RIF1: variants seen among roughly 807,000 people sequenced by gnomAD.
RIF1 encodes replication timing regulatory factor 1.
Under a neutral mutation model 247.1 loss-of-function variants are expected in RIF1, and 45 were observed. That is an observed-to-expected ratio of 0.18 (90% CI 0.14 to 0.23). RIF1 has a LOEUF of 0.23. RIF1 is among the 10% of genes least tolerant of loss of function. The pLI, the probability that RIF1 is intolerant of heterozygous loss-of-function variation, is 1.00. For missense variants in RIF1, 2,967 were observed against 2,862.5 expected (o/e 1.04, Z -0.83); for synonymous variants, 1,087 against 978.8 (o/e 1.11, Z -2.06).
chr2:151,530,667 A>G, the RIF1 span: 16 of 216,082 alleles, frequency 7.4e-5, no homozygotes, highest in South Asian at 2.7e-3. Context: ...GCATGTGGAG[A>G]GGCCACATGA....
intron 10 of RIF1, chr2:151,496,867 A>AAT: frequency 7.1e-7 from 1 of 1,414,596 alleles, no homozygotes; most frequent in Non-Finnish European, 9.7e-7. Flanking sequence ...AAATAGGATT[A>AAT]ATATGTATTA....
At chr2:151,520,440 TTAGG>T in the RIF1 span, among the ~76,000 whole-genome samples, 868 of 152,082 alleles carry the variant, frequency 5.7e-3, 5 homozygotes, top group Admixed American at 6.8e-3. Context: ...AAAAATAAGT[TTAGG>T]TAGGCAGAGG....
At chr2:151,526,864 A>G in the RIF1 span, 2 of 1,260,602 alleles carry the variant, frequency 1.6e-6, no homozygotes, top group East Asian at 5.0e-5. Context: ...GGACTGTACC[A>G]TGGAAGATGG....
At chr2:151,431,775 G>A (rs970968640) in intron 9 of RIF1, among the ~76,000 whole-genome samples, 7 of 92,782 alleles carry the variant, frequency 7.5e-5, no homozygotes, top group African/African-American at 9.9e-5. Flanking sequence ...TGAAACTTCC[G>A]TCTCTGAATG....
At position 151,437,226 on chromosome 2, in the gene RIF1, AT is replaced by A; in HGVS notation, c.1373-13del. On this transcript the variant is annotated splice_polypyrimidine_tract_variant and intron_variant, in intron 12 of 35. Coordinates refer to ENST00000444746, the MANE Select transcript of RIF1 (RefSeq NM_018151.5). ...CTGTTGTTTTACATAATTATCTTTT[AT>A]TCTTCCCTTTCAGAGCCATTGGAAC... 2 of 1,573,446 alleles carry A rather than the reference AT, an allele frequency of 1.3e-6. No homozygotes were observed. The highest frequency in any genetic ancestry group is 1.7e-6 in the Non-Finnish European group (2 of 1,144,468).
At chr2:151,418,462 C>T (rs1238350412) in intron 6 of RIF1, among the ~76,000 whole-genome samples, 1 of 151,834 alleles carries the variant, frequency 6.6e-6, no homozygotes, top group Non-Finnish European at 1.5e-5. Flanking sequence ...ACCTCAGCCT[C>T]CCAATGTACC....
the RIF1 span, chr2:151,533,610 T>G: frequency 2.0e-6 from 2 of 1,022,850 alleles, no homozygotes; most frequent in African/African-American, 3.2e-5. Context: ...AACACGGCTC[T>G]ATATCCCAAT....
intron 34 of RIF1, among the ~76,000 whole-genome samples, chr2:151,473,613 A>G (rs1029721175): frequency 1.1e-4 from 16 of 152,166 alleles, no homozygotes; most frequent in South Asian, 1.0e-3. Context: ...AAAAAATTCT[A>G]TATTTTATTT....
intron 20 of RIF1, 98 bp from the exon 21 acceptor site, chr2:151,451,508 T>C: frequency 1.4e-6 from 1 of 692,074 alleles, no homozygotes; most frequent in Non-Finnish European, 2.7e-6. Flanking sequence ...ACATAGGATA[T>C]ATGGGAGTAA....
At chr2:151,531,809 TG>T in the RIF1 span, 2 of 1,612,130 alleles carry the variant, frequency 1.2e-6, no homozygotes, top group African/African-American at 2.7e-5. Context: ...ATTTGTTTGT[TG>T]ACTTTTGTAG....
At chr2:151,510,493 C>T (rs896695277), downstream of RIF1, among the ~76,000 whole-genome samples, 48 of 152,324 alleles carry the variant, frequency 3.2e-4, no homozygotes, top group African/African-American at 1.2e-3. Context: ...ACAGTAGTCC[C>T]CACTTATCTG....
Position 151,465,887 on chromosome 2 carries a change from C to A in RIF1, c.6367C>A (p.Pro2123Thr). The stretch of plus-strand genomic sequence containing the variant: ...CCATACTTCACAGAAAGTGGAGGAA[C>A]CATCACAGTGTCTGGCATCTGGAAC... ...DHHTSQKVEE[P>T]SQCLASGTAI... is the part of the protein sequence containing the mutation. Residue 2123 changes from proline (P) to threonine (T), a missense_variant, in exon 30 of 36, where the codon CCA becomes ACA. This residue lies in a region of RIF1 where 2,028 missense variants were observed against 1,825.6 expected (regional missense o/e 1.11). Transcript: ENST00000444746. The A allele has an allele frequency of 6.2e-7, 1 of 1,613,768 alleles. No homozygotes were observed. Among genetic ancestry groups the A allele is most frequent in the Non-Finnish European group, 8.5e-7 (1 of 1,179,660 alleles).
At chr2:151,471,548 A>C (rs1027555392) in intron 34 of RIF1, among the ~76,000 whole-genome samples, 1 of 152,154 alleles carries the variant, frequency 6.6e-6, no homozygotes, top group Non-Finnish European at 1.5e-5. Flanking sequence ...ATTTTTGTAT[A>C]AGGTGTAAGG....
At chr2:151,417,009 T>C (rs1237060318) in intron 6 of RIF1, 108 bp downstream of exon 6, 3 of 743,116 alleles carry the variant, frequency 4.0e-6, no homozygotes, top group Non-Finnish European at 6.7e-6. Flanking sequence ...GGGGGGAATG[T>C]CATTTACACC....
chr2:151,474,304 T>A (rs1233951563), intron 35 of RIF1, among the ~76,000 whole-genome samples: 1 of 152,232 alleles, frequency 6.6e-6, no homozygotes, highest in Admixed American at 6.5e-5. Context: ...TCTCTTCTAG[T>A]TATATTAATA....
intron 34 of RIF1, among the ~76,000 whole-genome samples, chr2:151,472,832 C>T (rs960157642): frequency 6.6e-6 from 1 of 152,008 alleles, no homozygotes; most frequent in African/African-American, 2.4e-5. Context: ...CTAAAAATCT[C>T]TTTTTTTGTT....
chr2:151,446,307 C>CTT, intron 19 of RIF1, 119 bp from the exon 20 acceptor site: 2 of 922,326 alleles, frequency 2.2e-6, no homozygotes, highest in Non-Finnish European at 1.6e-6. Context: ...CCGTTAGTGT[C>CTT]TTTTTTGACA....
chr2:151,483,057 T>G (rs564719647), downstream of RIF1: 2 of 130,362 alleles, frequency 1.5e-5, no homozygotes, highest in African/African-American at 2.9e-5. Context: ...AGGATCCTAT[T>G]TACAAGGTCA....
At chr2:151,499,555 T>G (rs2062862524) in intron 11 of RIF1, 1 of 503,204 alleles carries the variant, frequency 2.0e-6, no homozygotes, top group Non-Finnish European at 3.5e-6. Context: ...GAACATGTTT[T>G]GTATTTCCTT....
Sources: allele counts gnomAD v4.1 joint callset (sites outside exome capture counted in the v4.1 genomes callset), GRCh38; gene constraint gnomAD v4.1.1; regional missense constraint gnomAD v4.1.1; transcripts MANE v1.5; gene names NCBI Gene and HGNC (gene_info 2026-07-23, HGNC 2026-07-21).